The following HIP1 variants were observed in gnomAD, a reference collection of about 807,000 sequenced individuals.
The protein encoded by HIP1 is huntingtin interacting protein 1.
HIP1 carries 65 observed loss-of-function variants against 147.6 expected under a neutral mutation model. That is an observed-to-expected ratio of 0.44 (90% CI 0.36 to 0.54). The LOEUF (loss-of-function observed/expected upper bound fraction) is 0.54. HIP1 is among the 20% of genes least tolerant of loss of function. The pLI is 0.00. For missense variants in HIP1, 1,061 were observed against 1,299.6 expected, an observed-to-expected ratio of 0.82 and a Z score of 2.82; for synonymous variants, 479 against 504.0, an observed-to-expected ratio of 0.95 and a Z score of 0.67.
At chr7:75,563,150 C>T (rs782000244) in intron 10 of HIP1, 38 bp downstream of exon 10, 1 of 1,614,106 alleles carries the variant, frequency 6.2e-7, no homozygotes, top group Non-Finnish European at 8.5e-7. Flanking sequence ...TACCTGGGGC[C>T]TCTGCAGTGC....
chr7:75,670,835 T>A (rs986695493), intron 1 of HIP1, among the ~76,000 whole-genome samples: 1 of 147,294 alleles, frequency 6.8e-6, no homozygotes, highest in Non-Finnish European at 1.5e-5. Context: ...TATCCCAGGC[T>A]GGTCTCAAAC....
At chr7:75,688,574 G>GC (rs1395849808) in intron 1 of HIP1, among the ~76,000 whole-genome samples, 33 of 152,074 alleles carry the variant, frequency 2.2e-4, no homozygotes, top group African/African-American at 7.5e-4. Context: ...CACCTGTCAG[G>GC]CCCCCCACGC....
At chr7:75,722,391 C>A (rs1319702740) in intron 1 of HIP1, among the ~76,000 whole-genome samples, 2 of 152,168 alleles carry the variant, frequency 1.3e-5, no homozygotes, top group Admixed American at 1.3e-4. Context: ...CAATCTCATC[C>A]AACACCCCTC....
intron 1 of HIP1, among the ~76,000 whole-genome samples, chr7:75,628,295 CTGAATAAA>C (rs1798107943): frequency 2.0e-5 from 3 of 152,158 alleles, no homozygotes; most frequent in Admixed American, 6.6e-5. Context: ...TAAATCTTTT[CTGAATAAA>C]TGAATAAATG....
intron 7 of HIP1, among the ~76,000 whole-genome samples, chr7:75,579,186 G>T (rs1795950329): frequency 6.6e-6 from 1 of 152,038 alleles, no homozygotes; most frequent in African/African-American, 2.4e-5. Flanking sequence ...ATAGCTTAGG[G>T]CATAGACTAG....
chr7:75,638,129 G>C (rs1472017995), intron 1 of HIP1, among the ~76,000 whole-genome samples: 1 of 151,570 alleles, frequency 6.6e-6, no homozygotes, highest in Admixed American at 6.6e-5. Context: ...AAGGCTGGAC[G>C]GTAGGGACAG....
At chr7:75,659,668 G>GA (rs1296232007) in intron 1 of HIP1, among the ~76,000 whole-genome samples, 9 of 151,900 alleles carry the variant, frequency 5.9e-5, no homozygotes, top group African/African-American at 1.9e-4. Context: ...AAAAAAGACA[G>GA]AAAAAAAGAA....
intron 1 of HIP1, among the ~76,000 whole-genome samples, chr7:75,648,550 G>A (rs1798876750): frequency 6.6e-6 from 1 of 152,120 alleles, no homozygotes; most frequent in Non-Finnish European, 1.5e-5. Flanking sequence ...CGTCGCAGGG[G>A]AAAGGGTGAT....
At chr7:75,562,356 C>T (rs1249496428) in intron 11 of HIP1, among the ~76,000 whole-genome samples, 186 bp from the exon 12 acceptor site, 3 of 152,174 alleles carry the variant, frequency 2.0e-5, no homozygotes, top group Non-Finnish European at 4.4e-5. Flanking sequence ...GTGGTGCAAT[C>T]ATAGCTCACT....
chr7:75,616,121 A>G (rs1481333693), intron 1 of HIP1, among the ~76,000 whole-genome samples: 19 of 151,026 alleles, frequency 1.3e-4, no homozygotes, highest in Admixed American at 9.3e-4. Flanking sequence ...AGATAAGAAA[A>G]GAAAAGAAAA....
At chr7:75,624,427 AG>A (rs1288704279) in intron 1 of HIP1, among the ~76,000 whole-genome samples, 17 of 152,156 alleles carry the variant, frequency 1.1e-4, no homozygotes, top group African/African-American at 2.9e-4. Flanking sequence ...GCCCTTCCTT[AG>A]GGGAGTGGGG....
intron 1 of HIP1, among the ~76,000 whole-genome samples, chr7:75,704,347 C>T (rs373166888): frequency 5.6e-4 from 85 of 152,024 alleles, no homozygotes; most frequent in African/African-American, 1.9e-3. Flanking sequence ...CCGGTTCAAG[C>T]GATTCTCCTG....
intron 1 of HIP1, among the ~76,000 whole-genome samples, chr7:75,641,929 A>G (rs1191869220): frequency 3.9e-5 from 6 of 152,140 alleles, no homozygotes; most frequent in Non-Finnish European, 8.8e-5. Flanking sequence ...ATCAGGTCCC[A>G]CATCCCTGCG....
Position 75,567,071 on chromosome 7 carries a change from C to T in HIP1, c.803+1128G>A, listed in dbSNP as rs116961244. ...AGGTTGCAGTAAGCCAAGATCACACCACCGCACTCAAGCCTGGGTGACAGA... is the reference window on the plus strand; with the variant it reads ...AGGTTGCAGTAAGCCAAGATCACACTACCGCACTCAAGCCTGGGTGACAGA... On this transcript the variant is annotated intron_variant, in intron 9 of 30. Coordinates refer to ENST00000336926, the MANE Select transcript of HIP1 (RefSeq NM_005338.7). Among the ~76,000 whole-genome samples, 395 of 151,074 alleles carry T rather than the reference C, an allele frequency of 2.6e-3. 6 individuals carry two copies. In the East Asian group the frequency reaches 0.055, roughly 21 times the overall value.
In HIP1 at chr7:75,555,523, T is replaced by G. The variant is rs1170041983; in HGVS notation, c.1856A>C (p.Gln619Pro). Residue 619 changes from glutamine to proline, a missense_variant, in exon 19 of 31, where the codon CAA (glutamine) becomes CCA (proline). Physicochemically the swap from Gln to Pro is moderately conservative, Grantham distance 76. Around this residue, in one of 3 missense-constraint regions of HIP1, gnomAD observed 810 missense variants for 946.8 expected, o/e 0.86. Coordinates refer to ENST00000336926, the MANE Select transcript of HIP1 (RefSeq NM_005338.7). ...GGACCCCACCAGAAGCATTTTTCGTTGGTCTTTGGCAAGCTGGCACATAGA... is the reference window on the plus strand; with the variant it reads ...GGACCCCACCAGAAGCATTTTTCGTGGGTCTTTGGCAAGCTGGCACATAGA... ...EESMCQLAKD[Q>P]RKMLLVGSRK... 1.2e-6 allele frequency: 2 copies of G among 1,614,200 alleles called. No individual in the cohort carries two copies. The highest frequency in any genetic ancestry group is 8.5e-7 in the Non-Finnish European group (1 of 1,180,020).
intron 1 of HIP1, among the ~76,000 whole-genome samples, chr7:75,728,904 T>C (rs550543701): frequency 6.9e-6 from 1 of 145,690 alleles, no homozygotes; most frequent in Non-Finnish European, 1.5e-5. Flanking sequence ...AAAAGGGCAG[T>C]TATAAAAGTA....
intron 16 of HIP1, among the ~76,000 whole-genome samples, chr7:75,557,188 G>A (rs1441609213): frequency 2.0e-5 from 3 of 151,810 alleles, no homozygotes; most frequent in Non-Finnish European, 4.4e-5. Flanking sequence ...ACGGGCACAC[G>A]CCATCACACC....
At chr7:75,553,931 G>C (rs1040753545) in intron 21 of HIP1, among the ~76,000 whole-genome samples, 182 bp downstream of exon 21, 2 of 152,134 alleles carry the variant, frequency 1.3e-5, no homozygotes, top group African/African-American at 4.8e-5. Flanking sequence ...CTTTAGTAGA[G>C]ATGGGGTTTT....
intron 1 of HIP1, among the ~76,000 whole-genome samples, chr7:75,701,526 T>G (rs782606426): frequency 1.8e-4 from 28 of 152,020 alleles, no homozygotes; most frequent in Non-Finnish European, 7.4e-5. Context: ...CTGGGCAACA[T>G]AGTGAGACCC....
Sources: allele counts gnomAD v4.1 joint callset (sites outside exome capture counted in the v4.1 genomes callset), GRCh38; gene constraint gnomAD v4.1.1; regional missense constraint gnomAD v4.1.1; transcripts MANE v1.5; gene names NCBI Gene and HGNC (gene_info 2026-07-23, HGNC 2026-07-21).